The following NRG1 variants were observed in gnomAD, a reference collection of about 807,000 sequenced individuals.
The protein encoded by NRG1 is neuregulin 1.
A neutral mutation model predicts 63.8 loss-of-function variants in NRG1; 18 were observed. The ratio of observed to expected loss-of-function variants is 0.28; its 90% CI spans 0.19 to 0.42. The LOEUF (loss-of-function observed/expected upper bound fraction) is 0.42. Ranked by LOEUF, NRG1 falls within the 10% of genes least tolerant of loss-of-function variation. The pLI is 1.00. For missense variants in NRG1, 762 were observed against 814.7 expected (o/e 0.94, Z 0.79); for synonymous variants, 302 against 301.3 (o/e 1.00, Z -0.02).
chr8:31,933,127 C>G (rs1391247737), intron 1 of NRG1, among the ~76,000 whole-genome samples: 1 of 152,054 alleles, frequency 6.6e-6, no homozygotes, highest in Non-Finnish European at 1.5e-5. Context: ...TTTCTAGGAC[C>G]ATTCAATAGT....
intron 1 of NRG1, among the ~76,000 whole-genome samples, chr8:32,255,049 A>C: frequency 6.6e-6 from 1 of 152,118 alleles, no homozygotes; most frequent in African/African-American, 2.4e-5. Context: ...ATCTTGGTAA[A>C]TATTCCTCCA....
rs965525784 is a variant in NRG1, at chr8:32,133,517, A to G, written c.38-462311A>G. Among the ~76,000 whole-genome samples the G allele has an allele frequency of 3.3e-5, 5 of 152,272 alleles. No individual in the cohort carries two copies. The East Asian group carries it at 7.7e-4, about 24-fold the overall frequency. ...TTTCATTTATGCAATTCAAATAGCTATTGGTTTGGATACCTTAGTATTGTT... is the reference window on the plus strand; with the variant it reads ...TTTCATTTATGCAATTCAAATAGCTGTTGGTTTGGATACCTTAGTATTGTT... On this transcript the variant is annotated intron_variant, in intron 1 of 10. Coordinates refer to the NRG1 transcript ENST00000519301.
intron 1 of NRG1, among the ~76,000 whole-genome samples, chr8:31,762,286 A>T (rs141721135): frequency 2.3e-4 from 35 of 152,312 alleles, no homozygotes; most frequent in Non-Finnish European, 4.7e-4. Flanking sequence ...ACGTGTGAGA[A>T]CATGTGGTGT....
At chr8:31,661,909 G>A (rs1419462972) in intron 1 of NRG1, among the ~76,000 whole-genome samples, 3 of 152,132 alleles carry the variant, frequency 2.0e-5, no homozygotes, top group Non-Finnish European at 4.4e-5. Context: ...TCGCCAATAT[G>A]GTGCATATTC....
At chr8:32,251,075 T>A (rs1394887849) in intron 1 of NRG1, among the ~76,000 whole-genome samples, 1 of 151,950 alleles carries the variant, frequency 6.6e-6, no homozygotes, top group Non-Finnish European at 1.5e-5. Flanking sequence ...ATTATTATTA[T>A]ACTTAAAGTT....
At chr8:32,045,183 A>G (rs985634232) in intron 1 of NRG1, among the ~76,000 whole-genome samples, 3 of 151,910 alleles carry the variant, frequency 2.0e-5, no homozygotes, top group Non-Finnish European at 4.4e-5. Flanking sequence ...TTTATGTATA[A>G]TAGCAATAAA....
chr8:32,123,546 A>G (rs1046831103), intron 1 of NRG1, among the ~76,000 whole-genome samples: 2 of 151,080 alleles, frequency 1.3e-5, no homozygotes, highest in African/African-American at 2.4e-5. Context: ...AGAACAGACT[A>G]TAACAGTTAT....
At chr8:32,448,919 A>G (rs1405566690) in intron 1 of NRG1, among the ~76,000 whole-genome samples, 1 of 152,054 alleles carries the variant, frequency 6.6e-6, no homozygotes, top group African/African-American at 2.4e-5. Context: ...TGTGTTTAGG[A>G]AGGATGTGAG....
chr8:32,073,332 A>G, intron 1 of NRG1, among the ~76,000 whole-genome samples: 1 of 152,144 alleles, frequency 6.6e-6, no homozygotes, highest in East Asian at 1.9e-4. Flanking sequence ...AACCGAGGAG[A>G]AAGCTTATGC....
intron 6 of NRG1, among the ~76,000 whole-genome samples, chr8:32,739,531 T>C (rs756295528): frequency 3.3e-5 from 5 of 152,344 alleles, no homozygotes; most frequent in Non-Finnish European, 5.9e-5. Context: ...CGTATGATTT[T>C]ATGATAGAGA....
intron 1 of NRG1, among the ~76,000 whole-genome samples, chr8:32,031,828 A>G (rs575113438): frequency 2.6e-5 from 4 of 152,180 alleles, no homozygotes; most frequent in South Asian, 4.2e-4. Flanking sequence ...TCCATGGTGT[A>G]TATGTAGCAC....
At chr8:31,999,453 T>G (rs1812567585) in intron 1 of NRG1, among the ~76,000 whole-genome samples, 2 of 151,996 alleles carry the variant, frequency 1.3e-5, no homozygotes, top group Admixed American at 1.3e-4. Context: ...ACCAAAGAAG[T>G]GCAGCTCAGT....
intron 1 of NRG1, among the ~76,000 whole-genome samples, chr8:32,232,508 A>G (rs1847063499): frequency 6.6e-6 from 1 of 152,166 alleles, no homozygotes; most frequent in South Asian, 2.1e-4. Context: ...TCATCCCAGC[A>G]TAGAGTTGCT....
chr8:32,504,432 T>A (rs963675641), intron 1 of NRG1, among the ~76,000 whole-genome samples: 3 of 152,222 alleles, frequency 2.0e-5, no homozygotes, highest in Non-Finnish European at 4.4e-5. Flanking sequence ...TATATTTGGT[T>A]ATATTTCTGA....
chr8:31,642,656 G>A (rs1013005610), intron 1 of NRG1, among the ~76,000 whole-genome samples: 3 of 152,126 alleles, frequency 2.0e-5, no homozygotes, highest in East Asian at 1.9e-4. Flanking sequence ...GTTGTGGCAC[G>A]TTTTAAAAAA....
rs563268246 is a variant in NRG1, at chr8:31,855,058, T to A, written c.37+215627T>A. Among the ~76,000 whole-genome samples, 672 of 152,250 alleles carry A rather than the reference T, an allele frequency of 4.4e-3. 5 individuals are homozygous for A. Among genetic ancestry groups the A allele is most frequent in the African/African-American group, 0.016 (653 of 41,530 alleles). On this transcript the variant is annotated intron_variant, in intron 1 of 10. Transcript: ENST00000519301. The stretch of plus-strand genomic sequence containing the variant: ...TATGTGGTCAATTTTGGAATAGGTG[T>A]GGTGTGGTGCTGAAAAAAATGTATA...
At chr8:32,514,720 A>AT (rs1340024367) in intron 1 of NRG1, among the ~76,000 whole-genome samples, 1 of 152,148 alleles carries the variant, frequency 6.6e-6, no homozygotes, top group African/African-American at 2.4e-5. Context: ...TGAAGCTTTG[A>AT]TTAGGCTTGA....
At chr8:31,935,997 G>A (rs1057122501) in intron 1 of NRG1, among the ~76,000 whole-genome samples, 2 of 152,088 alleles carry the variant, frequency 1.3e-5, no homozygotes, top group East Asian at 3.9e-4. Context: ...GAGTAAGTGA[G>A]CAGGAAACAC....
chr8:32,418,340 TA>T (rs1190401417), intron 1 of NRG1, among the ~76,000 whole-genome samples: 10 of 151,838 alleles, frequency 6.6e-5, no homozygotes, highest in African/African-American at 2.2e-4. Context: ...ATATTATCTT[TA>T]ACCTCTTTTA....
Sources: gnomAD v4.1 joint callset for allele counts (sites outside exome capture counted in the v4.1 genomes callset) on GRCh38, gnomAD v4.1.1 for gene constraint, MANE v1.5 for transcripts, NCBI Gene and HGNC (gene_info 2026-07-23, HGNC 2026-07-21) for gene names.